The following MECOM variants were observed in gnomAD, a reference collection of about 807,000 sequenced individuals.
MECOM encodes the protein MDS1 and EVI1 complex locus, also known as histone-lysine N-methyltransferase MECOM.
MECOM carries 13 observed loss-of-function variants against 116.3 expected under a neutral mutation model. That is an observed-to-expected ratio of 0.11 (90% CI 0.07 to 0.18). The LOEUF is 0.18. Among genes scored for constraint, MECOM ranks in the 10% least tolerant of loss-of-function variants. MECOM has a pLI of 1.00. For missense variants in MECOM, 1,299 were observed against 1,509.0 expected (o/e 0.86, Z 2.31); for synonymous variants, 528 against 535.2 (o/e 0.99, Z 0.19).
intron 2 of MECOM, among the ~76,000 whole-genome samples, chr3:169,209,538 G>T (rs1033118814): frequency 6.6e-5 from 10 of 152,066 alleles, no homozygotes; most frequent in African/African-American, 1.9e-4. Flanking sequence ...ATCAAACAGT[G>T]GGCAAAGGAT....
intron 2 of MECOM, among the ~76,000 whole-genome samples, chr3:169,278,469 T>C (rs1464106739): frequency 6.6e-6 from 1 of 152,248 alleles, no homozygotes; most frequent in Non-Finnish European, 1.5e-5. Context: ...AGTAAAAACT[T>C]GGTGGCTTCC....
At chr3:169,331,657 T>C (rs1029454264) in intron 2 of MECOM, among the ~76,000 whole-genome samples, 3 of 152,166 alleles carry the variant, frequency 2.0e-5, no homozygotes, top group African/African-American at 7.2e-5. Flanking sequence ...TGAAGATTGA[T>C]CTCAAAATAC....
At chr3:169,602,137 A>G (rs1767907586) in intron 1 of MECOM, among the ~76,000 whole-genome samples, 2 of 152,226 alleles carry the variant, frequency 1.3e-5, no homozygotes, top group Non-Finnish European at 2.9e-5. Context: ...AAACAGAGAT[A>G]TACTCTGATT....
At chr3:169,566,035 G>A in intron 1 of MECOM, 1 of 418,164 alleles carries the variant, frequency 2.4e-6, no homozygotes, top group South Asian at 1.8e-5. Context: ...GGGAAACAAG[G>A]ACCTTCTTCA....
At chr3:169,512,230 C>T (rs549216238) in intron 1 of MECOM, among the ~76,000 whole-genome samples, 1 of 152,210 alleles carries the variant, frequency 6.6e-6, no homozygotes, top group African/African-American at 2.4e-5. Flanking sequence ...CCTCCCTCAT[C>T]CCCCAACCAC....
chr3:169,488,372 CAAAAAAAAAAAAA>C (rs758493062), intron 1 of MECOM, among the ~76,000 whole-genome samples: 21 of 62,398 alleles, frequency 3.4e-4, no homozygotes, highest in African/African-American at 1.1e-3. Context: ...ACTAAAAATA[CAAAAAAAAAAAAA>C]AAAAAAAAAA....
At chr3:169,098,666 TTCAC>T (rs773131947) in intron 12 of MECOM, among the ~76,000 whole-genome samples, 20 of 152,154 alleles carry the variant, frequency 1.3e-4, no homozygotes, top group Non-Finnish European at 2.4e-4. Flanking sequence ...TCTTTAAACT[TTCAC>T]TCACTAATTT....
At chr3:169,576,836 C>CAGAG (rs1413097407) in intron 1 of MECOM, among the ~76,000 whole-genome samples, 8,238 of 112,658 alleles carry the variant, frequency 0.073, 238 homozygotes, top group Middle Eastern at 0.14. Context: ...CACACACACA[C>CAGAG]ACAGAGAGAG....
chr3:169,119,300 C>G (rs1233053747), intron 7 of MECOM, among the ~76,000 whole-genome samples: 1 of 152,192 alleles, frequency 6.6e-6, no homozygotes, highest in African/African-American at 2.4e-5. Context: ...TCTTTAATCT[C>G]TTTTGTTCTG....
At chr3:169,480,807 G>A (rs1436186113) in intron 1 of MECOM, among the ~76,000 whole-genome samples, 1 of 152,112 alleles carries the variant, frequency 6.6e-6, no homozygotes, top group East Asian at 1.9e-4. Context: ...ATTTGTGGAT[G>A]TGTGTTTTTT....
At chr3:169,657,085 T>C (rs566914608) in intron 1 of MECOM, among the ~76,000 whole-genome samples, 1 of 152,356 alleles carries the variant, frequency 6.6e-6, no homozygotes, top group Admixed American at 6.5e-5. Context: ...CTAGACCTAC[T>C]GATACCAATA....
At chr3:169,309,907 A>G (rs1333500697) in intron 2 of MECOM, among the ~76,000 whole-genome samples, 1 of 152,222 alleles carries the variant, frequency 6.6e-6, no homozygotes, top group African/African-American at 2.4e-5. Flanking sequence ...GATGCTATGA[A>G]GTGCCTTAGA....
At chr3:169,472,557 A>AG (rs1491579695) in intron 1 of MECOM, among the ~76,000 whole-genome samples, 186 of 63,204 alleles carry the variant, frequency 2.9e-3, no homozygotes, top group Middle Eastern at 7.7e-3. Flanking sequence ...GGAAAAGAAA[A>AG]GAGAGGAGAG....
intron 6 of MECOM, among the ~76,000 whole-genome samples, chr3:169,121,922 A>G (rs1352232236): frequency 6.6e-6 from 1 of 152,142 alleles, no homozygotes; most frequent in African/African-American, 2.4e-5. Context: ...TTAAAATGCT[A>G]GGAAATGTGT....
chr3:169,457,195 G>A (rs868287668), intron 1 of MECOM, among the ~76,000 whole-genome samples: 1 of 152,124 alleles, frequency 6.6e-6, no homozygotes, highest in Admixed American at 6.6e-5. Context: ...CCCCTTCCCC[G>A]AGCAGAAGGG....
In MECOM at chr3:169,579,783, A is replaced by T. The variant is rs545607591; in HGVS notation, c.37+83553T>A. Among the ~76,000 whole-genome samples the T allele has an allele frequency of 2.0e-5, 3 of 152,338 alleles. No homozygotes were observed. In the South Asian group the frequency reaches 6.2e-4, roughly 32 times the overall value. ...ATATTCTACCACCTATACACGGGTT[A>T]AGGTTCAGTGAAATCCCAACTAGCT... is the stretch of plus-strand genomic sequence containing the variant. On this transcript the variant is annotated intron_variant, in intron 1 of 16. Coordinates refer to ENST00000651503, the MANE Select transcript of MECOM (RefSeq NM_004991.4).
intron 2 of MECOM, among the ~76,000 whole-genome samples, chr3:169,227,132 G>A (rs1004867340): frequency 6.6e-6 from 1 of 152,060 alleles, no homozygotes; most frequent in Non-Finnish European, 1.5e-5. Context: ...TCTAGAGAAA[G>A]GTGAGAGCAG....
chr3:169,249,487 C>T (rs1390142233), intron 2 of MECOM, among the ~76,000 whole-genome samples: 2 of 152,192 alleles, frequency 1.3e-5, no homozygotes, highest in Non-Finnish European at 2.9e-5. Flanking sequence ...TAATTCAGGC[C>T]AGTTGCATCC....
rs756541936 is a variant in MECOM, at chr3:169,116,044, C to G, written c.1828G>C (p.Glu610Gln). ...ATTTTACCATTTTCTTTAAATTTCTCTTTATCACTTTCAATGTCACTTTCC... is the reference window on the plus strand; with the variant it reads ...ATTTTACCATTTTCTTTAAATTTCTGTTTATCACTTTCAATGTCACTTTCC... ...DLESDIESDKEKFKENGKMFK... is the reference protein window; with the variant it reads ...DLESDIESDKQKFKENGKMFK... The change falls in exon 8 of 17, where the codon GAG (glutamate) becomes CAG (glutamine). Residue 610 changes from glutamate to glutamine, a missense_variant. Glu to Gln is a conservative substitution (Grantham distance 29). Coordinates refer to ENST00000651503, the MANE Select transcript of MECOM (RefSeq NM_004991.4). 1 of 1,614,112 alleles carries G rather than the reference C, an allele frequency of 6.2e-7. No individual in the cohort carries two copies. The highest frequency in any genetic ancestry group is 8.5e-7 in the Non-Finnish European group (1 of 1,180,014).
Sources: gnomAD v4.1 joint callset for allele counts (sites outside exome capture counted in the v4.1 genomes callset) on GRCh38, gnomAD v4.1.1 for gene constraint, MANE v1.5 for transcripts, NCBI Gene and HGNC (gene_info 2026-07-23, HGNC 2026-07-21) for gene names.